ZFHX3: variants seen among roughly 807,000 people sequenced by gnomAD.
ZFHX3 encodes zinc finger homeobox protein 3.
In ZFHX3, 42 loss-of-function variants were observed where a neutral mutation model predicts 279.1. That is an observed-to-expected ratio of 0.15 (90% CI 0.12 to 0.19). The LOEUF (loss-of-function observed/expected upper bound fraction) is 0.19. ZFHX3 is among the 10% of genes least tolerant of loss of function. ZFHX3 has a pLI of 1.00. For synonymous variants in ZFHX3, 2,293 were observed against 1,957.8 expected, an observed-to-expected ratio of 1.17 and a Z score of -4.52; for missense variants, 4,981 against 4,754.0, an observed-to-expected ratio of 1.05 and a Z score of -1.40.
At chr16:73,276,719 T>C (rs2014312402) in intron 4 of ZFHX3, among the ~76,000 whole-genome samples, 1 of 152,194 alleles carries the variant, frequency 6.6e-6, no homozygotes, top group Admixed American at 6.5e-5. Flanking sequence ...TGTGGTTATT[T>C]TCTTATTTTT....
intron 3 of ZFHX3, among the ~76,000 whole-genome samples, chr16:73,419,729 C>T (rs765171781): frequency 5.3e-5 from 8 of 152,022 alleles, no homozygotes; most frequent in Admixed American, 2.0e-4. Context: ...ATCATAGGTG[C>T]GCCCCTCCGT....
At chr16:73,251,461 G>A (rs56382422) in intron 5 of ZFHX3, among the ~76,000 whole-genome samples, 42,668 of 152,038 alleles carry the variant, frequency 0.28, 6,943 homozygotes, top group African/African-American at 0.45. Context: ...CATGGCATAT[G>A]CACAATTACT....
At chr16:73,791,040 C>G (rs1053822366) in intron 1 of ZFHX3, among the ~76,000 whole-genome samples, 9 of 152,188 alleles carry the variant, frequency 5.9e-5, no homozygotes, top group Non-Finnish European at 8.8e-5. Flanking sequence ...TCACAGCTCA[C>G]TGTAACCTCA....
chr16:73,177,065 G>A (rs1331608484), intron 5 of ZFHX3, among the ~76,000 whole-genome samples: 5 of 152,042 alleles, frequency 3.3e-5, no homozygotes, highest in Non-Finnish European at 5.9e-5. Flanking sequence ...ACTCAATGAC[G>A]TGAGTTATTA....
At chr16:73,317,720 C>T (rs935762424) in intron 4 of ZFHX3, among the ~76,000 whole-genome samples, 6 of 152,100 alleles carry the variant, frequency 3.9e-5, no homozygotes, top group South Asian at 2.1e-4. Context: ...TACACATGCG[C>T]GGCATCAAAT....
At chr16:73,165,101 G>C (rs1464834759) in intron 5 of ZFHX3, among the ~76,000 whole-genome samples, 1 of 152,164 alleles carries the variant, frequency 6.6e-6, no homozygotes, top group African/African-American at 2.4e-5. Flanking sequence ...GACATGACGA[G>C]GTCAGATTTA....
chr16:72,926,144 A>G (rs1959436429), intron 3 of ZFHX3, among the ~76,000 whole-genome samples: 1 of 152,222 alleles, frequency 6.6e-6, no homozygotes, highest in Non-Finnish European at 1.5e-5. Context: ...AAACTTAACA[A>G]GGAATAATGT....
In ZFHX3 at chr16:72,793,618, G is replaced by T; in HGVS notation, c.9064C>A (p.Pro3022Thr). ...CCACACAAAGTGCACTCTGTTTTGGGTCCCTCATAACTCGTTTGGTTTATA... is the reference window on the plus strand; with the variant it reads ...CCACACAAAGTGCACTCTGTTTTGGTTCCCTCATAACTCGTTTGGTTTATA... ...FGINQTSYEG[P>T]KTECTLCGIK... is the part of the protein sequence containing the mutation. The change falls in exon 9 of 10, where the codon CCC becomes ACC. Residue 3022 changes from proline (P) to threonine (T), a missense_variant. By Grantham distance (38) the Pro-to-Thr change is conservative. Transcript: ENST00000268489. The surrounding 1 kb of genome is among the most constrained non-coding windows in gnomAD (Gnocchi z 4.3). 1 of 1,614,172 alleles carries T rather than the reference G, an allele frequency of 6.2e-7. No individual in the cohort carries two copies. Among genetic ancestry groups the T allele is most frequent in the Non-Finnish European group, 8.5e-7 (1 of 1,180,028 alleles).
chr16:73,432,568 TGAA>T (rs1229056932), intron 3 of ZFHX3, among the ~76,000 whole-genome samples: 1 of 152,160 alleles, frequency 6.6e-6, no homozygotes, highest in Non-Finnish European at 1.5e-5. Flanking sequence ...TATTCACATA[TGAA>T]GAGAATGTTT....
intron 2 of ZFHX3, among the ~76,000 whole-genome samples, chr16:73,560,818 T>A (rs1309514456): frequency 6.6e-6 from 1 of 152,206 alleles, no homozygotes. Flanking sequence ...TGCTACTTAA[T>A]AGCACCTCAG....
chr16:73,660,266 A>C (rs2052767288), intron 2 of ZFHX3, among the ~76,000 whole-genome samples: 1 of 152,216 alleles, frequency 6.6e-6, no homozygotes, highest in Non-Finnish European at 1.5e-5. Flanking sequence ...TTAAAAGCAA[A>C]GGATTTCTAT....
intron 3 of ZFHX3, among the ~76,000 whole-genome samples, chr16:73,381,201 A>T (rs1425388866): frequency 6.6e-6 from 1 of 152,188 alleles, no homozygotes; most frequent in Non-Finnish European, 1.5e-5. Flanking sequence ...TCTCAGATAG[A>T]AAGACTTAAT....
intron 1 of ZFHX3, among the ~76,000 whole-genome samples, chr16:73,767,482 T>C (rs569206457): frequency 7.2e-5 from 11 of 152,316 alleles, no homozygotes; most frequent in Middle Eastern, 3.4e-3. Flanking sequence ...ATCCTTACTG[T>C]TTATTTCTCA....
chr16:73,754,535 G>A (rs117080995), intron 1 of ZFHX3, among the ~76,000 whole-genome samples: 1,747 of 151,970 alleles, frequency 0.011, 15 homozygotes, highest in South Asian at 0.026. Flanking sequence ...AGCCCCAGCT[G>A]CCACATGCTC....
At chr16:73,003,310 T>C (rs1963563860) in intron 1 of ZFHX3, among the ~76,000 whole-genome samples, 1 of 145,534 alleles carries the variant, frequency 6.9e-6, no homozygotes. Flanking sequence ...CGTAAGATAA[T>C]TAAAGGGAAA....
At chr16:73,661,923 T>A (rs1219262192) in intron 2 of ZFHX3, among the ~76,000 whole-genome samples, 1 of 152,006 alleles carries the variant, frequency 6.6e-6, no homozygotes, top group Non-Finnish European at 1.5e-5. Context: ...GAAACTCAAA[T>A]CTGATTTTTT....
At chr16:73,770,885 T>C (rs1013583876) in intron 1 of ZFHX3, among the ~76,000 whole-genome samples, 4 of 152,152 alleles carry the variant, frequency 2.6e-5, no homozygotes, top group Non-Finnish European at 5.9e-5. Flanking sequence ...GCACAATAAA[T>C]ACCATTATGT....
intron 3 of ZFHX3, among the ~76,000 whole-genome samples, chr16:73,425,100 T>C (rs2017788384): frequency 6.6e-6 from 1 of 152,182 alleles, no homozygotes; most frequent in Non-Finnish European, 1.5e-5. Flanking sequence ...TAGCACCTAA[T>C]ATAGTGCTTT....
At chr16:73,004,835 T>C (rs1461715068) in intron 1 of ZFHX3, among the ~76,000 whole-genome samples, 1 of 152,232 alleles carries the variant, frequency 6.6e-6, no homozygotes, top group African/African-American at 2.4e-5. Flanking sequence ...TATATTCAGA[T>C]CAATATTAAC....
Sources: gnomAD v4.1 joint callset for allele counts (sites outside exome capture counted in the v4.1 genomes callset) on GRCh38, gnomAD v4.1.1 for gene constraint, Gnocchi (gnomAD v3.1) non-coding constraint, MANE v1.5 for transcripts, NCBI Gene and HGNC (gene_info 2026-07-23, HGNC 2026-07-21) for gene names.